The following RALGPS1 variants were observed in gnomAD, a reference collection of about 807,000 sequenced individuals.
RALGPS1 encodes Ral GEF with PH domain and SH3 binding motif 1.
Under a neutral mutation model 78.8 loss-of-function variants are expected in RALGPS1, and 19 were observed. The observed-to-expected ratio is 0.24, with a 90% CI of 0.17 to 0.35. RALGPS1 has a LOEUF of 0.35. Among genes scored for constraint, RALGPS1 ranks in the 10% least tolerant of loss-of-function variants. The pLI is 1.00. For synonymous variants in RALGPS1, 228 were observed against 256.3 expected (o/e 0.89, Z 1.06); for missense variants, 454 against 688.3 (o/e 0.66, Z 3.81).
chr9:127,135,061 C>G (rs1034462246), intron 8 of RALGPS1, among the ~76,000 whole-genome samples: 2 of 152,210 alleles, frequency 1.3e-5, no homozygotes, highest in Admixed American at 6.5e-5. Context: ...GCCTGGGACA[C>G]TTGAATGTGA....
chr9:126,979,487 A>G (rs1304616925), intron 4 of RALGPS1, among the ~76,000 whole-genome samples: 1 of 152,178 alleles, frequency 6.6e-6, no homozygotes. Flanking sequence ...GTTTCTGATT[A>G]TGTTCTCTGC....
At chr9:126,953,827 T>C (rs560516722) in intron 1 of RALGPS1, among the ~76,000 whole-genome samples, 1 of 152,310 alleles carries the variant, frequency 6.6e-6, no homozygotes, top group Admixed American at 6.5e-5. Context: ...GTGGTGTTAG[T>C]TCCATCTGTT....
chr9:126,924,626 T>G (rs1444135143), intron 1 of RALGPS1, among the ~76,000 whole-genome samples: 1 of 152,206 alleles, frequency 6.6e-6, no homozygotes, highest in African/African-American at 2.4e-5. Context: ...TATCTGAGAT[T>G]GTGTTATGAG....
chr9:126,936,051 G>A (rs1588513571), intron 1 of RALGPS1, among the ~76,000 whole-genome samples: 1 of 152,220 alleles, frequency 6.6e-6, no homozygotes, highest in Non-Finnish European at 1.5e-5. Flanking sequence ...CAGAGAATCT[G>A]TTTCCATTCC....
intron 3 of RALGPS1, among the ~76,000 whole-genome samples, chr9:126,966,846 C>A (rs966785404): frequency 6.6e-6 from 1 of 151,850 alleles, no homozygotes; most frequent in African/African-American, 2.4e-5. Context: ...AGGGACTGTC[C>A]CTTGTGGTGG....
Position 127,188,832 on chromosome 9 carries a change from T to TTAAAAA in RALGPS1, c.911-6259_911-6258insTAAAAA, listed in dbSNP as rs756481918. On this transcript the variant is annotated intron_variant, in intron 11 of 18. Transcript: ENST00000259351. ...AAAGACTAAGAAACCCCATCTCTAC[T>TTAAAAA]AAAAAAAAAAAAAAAAATGTAGCCA... 5.2e-3 allele frequency among the ~76,000 whole-genome samples: 457 copies of TTAAAAA among 87,392 alleles called. 77 individuals carry two copies. The highest frequency in any genetic ancestry group is 8.7e-3 in the South Asian group (16 of 1,840). The allele number at this position is 87,392 out of a possible 152,430, so 57.3% of individuals were successfully genotyped here. A position where few individuals can be genotyped will look rare whatever the true frequency, so the allele number is the denominator to read the frequency against.
chr9:127,006,116 C>T (rs1048184657), intron 4 of RALGPS1, among the ~76,000 whole-genome samples: 1 of 152,202 alleles, frequency 6.6e-6, no homozygotes, highest in African/African-American at 2.4e-5. Flanking sequence ...ACTGAATGGG[C>T]AAGAGCTAGA....
At chr9:127,217,502 A>C in intron 18 of RALGPS1, 1 of 928,230 alleles carries the variant, frequency 1.1e-6, no homozygotes, top group Non-Finnish European at 1.3e-6. Context: ...GCATGTCCTA[A>C]ACTTGTTTTT....
intron 5 of RALGPS1, among the ~76,000 whole-genome samples, chr9:127,048,154 C>G (rs143715542): frequency 6.7e-4 from 102 of 152,224 alleles, no homozygotes; most frequent in African/African-American, 1.9e-3. Flanking sequence ...CAGTCCTCCC[C>G]TCCTCACCAC....
At chr9:127,087,072 T>C (rs563229145) in intron 8 of RALGPS1, among the ~76,000 whole-genome samples, 1 of 152,286 alleles carries the variant, frequency 6.6e-6, no homozygotes, top group Admixed American at 6.5e-5. Context: ...TTAAGTGCAC[T>C]GCCCGTGAGG....
chr9:126,950,617 C>T (rs1442408762), intron 1 of RALGPS1, among the ~76,000 whole-genome samples: 5 of 151,480 alleles, frequency 3.3e-5, no homozygotes, highest in African/African-American at 9.7e-5. Flanking sequence ...TTGAAACCAA[C>T]GAGAACAAAG....
At chr9:127,121,066 G>A (rs1004631364) in intron 8 of RALGPS1, among the ~76,000 whole-genome samples, 2 of 152,130 alleles carry the variant, frequency 1.3e-5, no homozygotes, top group Non-Finnish European at 2.9e-5. Context: ...GCACTTACTA[G>A]CCATGTAGCC....
chr9:127,115,660 G>A (rs1589569208), intron 8 of RALGPS1, among the ~76,000 whole-genome samples: 1 of 152,328 alleles, frequency 6.6e-6, no homozygotes, highest in East Asian at 1.9e-4. Flanking sequence ...ATGAATAAAA[G>A]GTGCTTGTTT....
intron 14 of RALGPS1, among the ~76,000 whole-genome samples, chr9:127,199,717 G>A (rs535436878): frequency 1.1e-4 from 16 of 152,220 alleles, no homozygotes; most frequent in East Asian, 5.8e-4. Flanking sequence ...TGTGCCAGGC[G>A]CCCGGTGATC....
At chr9:127,108,644 T>G in intron 8 of RALGPS1, 1 of 1,613,676 alleles carries the variant, frequency 6.2e-7, no homozygotes, top group Non-Finnish European at 8.5e-7. Context: ...CCCTCCTCAG[T>G]GCCCTCAAAA....
At chr9:127,166,916 A>G (rs762950568) in intron 9 of RALGPS1, among the ~76,000 whole-genome samples, 1 of 151,782 alleles carries the variant, frequency 6.6e-6, no homozygotes, top group Non-Finnish European at 1.5e-5. Flanking sequence ...ACCCGAGAAG[A>G]TGGCAGACTT....
intron 5 of RALGPS1, among the ~76,000 whole-genome samples, chr9:127,047,598 C>A (rs2047918910): frequency 6.6e-6 from 1 of 151,810 alleles, no homozygotes; most frequent in South Asian, 2.1e-4. Context: ...ACTAAGGAGG[C>A]TGAGGCAGGA....
intron 4 of RALGPS1, among the ~76,000 whole-genome samples, chr9:127,024,672 C>A (rs532576972): frequency 6.6e-6 from 1 of 152,172 alleles, no homozygotes; most frequent in African/African-American, 2.4e-5. Context: ...AGAGAATATG[C>A]CTCACAAGAC....
intron 4 of RALGPS1, among the ~76,000 whole-genome samples, chr9:127,030,201 C>CG (rs1384745798): frequency 6.6e-6 from 1 of 152,006 alleles, no homozygotes; most frequent in Non-Finnish European, 1.5e-5. Context: ...CTATCTTGGA[C>CG]GGGAGCTCAG....
Sources: allele counts gnomAD v4.1 joint callset (sites outside exome capture counted in the v4.1 genomes callset), GRCh38; gene constraint gnomAD v4.1.1; transcripts MANE v1.5; gene names NCBI Gene and HGNC (gene_info 2026-07-23, HGNC 2026-07-21).